EVC: variants seen among roughly 807,000 people sequenced by gnomAD.
EVC encodes the protein EvC ciliary complex subunit 1.
A neutral mutation model predicts 118.9 loss-of-function variants in EVC; 116 were observed. The observed-to-expected ratio is 0.98, with a 90% CI of 0.84 to 1.14. EVC has a LOEUF of 1.14. Among genes scored for constraint, EVC ranks in the 50% most tolerant of loss-of-function variants. The pLI, the probability that EVC is intolerant of heterozygous loss-of-function variation, is 0.00. For synonymous variants in EVC, 619 were observed against 534.7 expected, an observed-to-expected ratio of 1.16 and a Z score of -2.18; for missense variants, 1,401 against 1,246.4, an observed-to-expected ratio of 1.12 and a Z score of -1.87.
chr4:5,809,580 C>T lies in EVC; in HGVS notation c.2751C>T (p.Ser917=). ...AALARVPLAE[S]KLLPAKRGLL... is the part of the protein sequence containing the mutation. ...TGGCCCGAGTGCCCCTTGCTGAAAG[C>T]AAACTGTTGCCTGCTAAGCGTGGGC... Residue 917 remains serine (S), a synonymous_variant, in exon 19 of 21, where the codon AGC becomes AGT. Coordinates refer to ENST00000264956, the MANE Select transcript of EVC (RefSeq NM_153717.3). 6.2e-7 allele frequency: 1 copy of T among 1,614,206 alleles called. No homozygotes were observed. Among genetic ancestry groups the T allele is most frequent in the African/African-American group, 1.3e-5 (1 of 75,058 alleles).
At chr4:5,826,058 A>G in the EVC span, 3 of 278,884 alleles carry the variant, frequency 1.1e-5, no homozygotes, top group South Asian at 7.4e-5. Flanking sequence ...ATACTCACAT[A>G]TGTATACACA....
At chr4:5,764,010 C>T (rs1173875580) in intron 11 of EVC, among the ~76,000 whole-genome samples, 3 of 147,896 alleles carry the variant, frequency 2.0e-5, no homozygotes, top group African/African-American at 7.6e-5. Flanking sequence ...CCAGTTTTTG[C>T]CCATTCAGTG....
chr4:5,775,497 A>G lies in EVC; in HGVS notation c.1564-8055A>G, dbSNP rs1020355977. On this transcript the variant is annotated intron_variant, in intron 11 of 20. Coordinates refer to ENST00000264956, the MANE Select transcript of EVC (RefSeq NM_153717.3). Reference sequence around the variant, plus strand: ...GAGCACATCCTGGACATTGTTGTGCAGCTTTGGCAGTTTTTGAACTTTATA... The same window carrying G: ...GAGCACATCCTGGACATTGTTGTGCGGCTTTGGCAGTTTTTGAACTTTATA... 2.0e-5 allele frequency among the ~76,000 whole-genome samples: 3 copies of G among 152,140 alleles called. 1 individual carries two copies. The highest frequency in any genetic ancestry group is 7.2e-5 in the African/African-American group (3 of 41,408).
At chr4:5,828,412 G>A in the EVC span, 18 of 1,549,866 alleles carry the variant, frequency 1.2e-5, no homozygotes, top group South Asian at 7.5e-5. Context: ...CTCTGCACAC[G>A]TCAGATCTCG....
rs764505769 is a variant in EVC, at chr4:5,798,613, C to T, written c.2125C>T (p.Arg709Trp). The T allele has an allele frequency of 1.3e-5, 20 of 1,578,512 alleles. No homozygotes were observed. Among genetic ancestry groups the T allele is most frequent in the African/African-American group, 6.7e-5 (5 of 74,220 alleles). ...GGCGCGTGTGCTGGAGGAGGCCAGC[C>T]GGCTAGAGGAGGAAGCACAGCAGAC... ...LEARVLEEAS[R>W]LEEEAQQTRL... The change falls in exon 15 of 21, where the codon CGG becomes TGG. Residue 709 changes from arginine (R) to tryptophan (W), a missense_variant. Transcript: ENST00000264956. This position sits in a 1 kb window ranked among gnomAD's most constrained non-coding sequence, Gnocchi z 4.1.
At chr4:5,767,460 T>C (rs1383671467) in intron 11 of EVC, among the ~76,000 whole-genome samples, 2 of 150,992 alleles carry the variant, frequency 1.3e-5, no homozygotes, top group African/African-American at 2.4e-5. Context: ...TTTGTTTACC[T>C]AAGGAAGCCT....
intron 2 of EVC, among the ~76,000 whole-genome samples, chr4:5,726,273 A>G (rs933259375): frequency 5.3e-5 from 8 of 152,230 alleles, no homozygotes; most frequent in African/African-American, 1.7e-4. Context: ...TGCCCAGTAG[A>G]GATTTCTCAT....
At chr4:5,724,005 C>A (rs926402189) in intron 2 of EVC, among the ~76,000 whole-genome samples, 7 of 152,112 alleles carry the variant, frequency 4.6e-5, no homozygotes, top group Admixed American at 2.6e-4. Flanking sequence ...AGAGGCACAT[C>A]GATGGAAATT....
chr4:5,788,794 C>A (rs1712203841), intron 12 of EVC, among the ~76,000 whole-genome samples: 1 of 152,224 alleles, frequency 6.6e-6, no homozygotes, highest in African/African-American at 2.4e-5. Context: ...CAACCCCCAC[C>A]CAGAGTGATA....
chr4:5,825,532 G>A, the EVC span: 5 of 1,587,158 alleles, frequency 3.2e-6, no homozygotes, highest in African/African-American at 4.1e-5. This position sits in a 1 kb window ranked among gnomAD's most constrained non-coding sequence, Gnocchi z 4.4. Flanking sequence ...GTTTCTGATG[G>A]GTGGGGGCTG....
At chr4:5,797,366 G>C (rs755243961) in intron 14 of EVC, 134 bp downstream of exon 14, 4 of 765,752 alleles carry the variant, frequency 5.2e-6, no homozygotes, top group Non-Finnish European at 8.9e-6. Flanking sequence ...CATTCGCCGG[G>C]GCTGCCATAG....
intron 11 of EVC, among the ~76,000 whole-genome samples, chr4:5,774,674 G>C (rs145748542): frequency 3.1e-4 from 47 of 152,240 alleles, no homozygotes; most frequent in African/African-American, 1.1e-3. Context: ...AAAGTGAGCA[G>C]TTTGTATTTG....
At chr4:5,778,422 C>G (rs1482582442) in intron 11 of EVC, among the ~76,000 whole-genome samples, 8 of 151,342 alleles carry the variant, frequency 5.3e-5, no homozygotes, top group Admixed American at 2.0e-4. Context: ...ACACTGACTT[C>G]CACAATGGTT....
In EVC at chr4:5,756,689, G is replaced by C; in HGVS notation, c.1563+327G>C. ...GGCCCAGGGTTTCTGGGTGTCATCA[G>C]TGTAAAGTGGTGATGAAGAAGGGGT... On this transcript the variant is annotated intron_variant, in intron 11 of 20. Coordinates refer to ENST00000264956, the MANE Select transcript of EVC (RefSeq NM_153717.3). The surrounding 1 kb of genome is among the most constrained non-coding windows in gnomAD (Gnocchi z 4.2). 6.6e-6 allele frequency among the ~76,000 whole-genome samples: 1 copy of C among 152,344 alleles called. No homozygotes were observed. Among genetic ancestry groups the C allele is most frequent in the East Asian group, 1.9e-4 (1 of 5,178 alleles).
chr4:5,771,705 C>G (rs1733990090), intron 11 of EVC, among the ~76,000 whole-genome samples: 1 of 152,174 alleles, frequency 6.6e-6, no homozygotes, highest in Non-Finnish European at 1.5e-5. Flanking sequence ...GCACCACAGA[C>G]CTCCCCGTCG....
At position 5,786,871 on chromosome 4, in the gene EVC, C is replaced by CAA. The variant is rs375303542; in HGVS notation, c.1776+3125_1776+3126dup. Reference sequence around the variant, plus strand: ...TGGGTGACAGAGCGAGACTCCGTCTCAAAAAAAAAAAAAAAAAAATTAACA... The same window carrying CAA: ...TGGGTGACAGAGCGAGACTCCGTCTCAAAAAAAAAAAAAAAAAAAAATTAACA... On this transcript the variant is annotated intron_variant, in intron 12 of 20. Transcript: ENST00000264956. Among the ~76,000 whole-genome samples the CAA allele has an allele frequency of 2.8e-3, 263 of 94,888 alleles. 4 individuals carry two copies. Among genetic ancestry groups the CAA allele is most frequent in the Middle Eastern group, 0.012 (2 of 164 alleles). The allele number at this position is 94,888 out of a possible 152,430, so 62.3% of individuals were successfully genotyped here.
intron 13 of EVC, among the ~76,000 whole-genome samples, chr4:5,794,085 T>C (rs932638205): frequency 6.6e-6 from 1 of 151,776 alleles, no homozygotes; most frequent in Non-Finnish European, 1.5e-5. Flanking sequence ...TGTAAAAGAT[T>C]TCTTGTGCCC....
In EVC at chr4:5,762,267, T is replaced by C. The variant is rs551243891; in HGVS notation, c.1563+5905T>C. 8.8e-4 allele frequency among the ~76,000 whole-genome samples: 116 copies of C among 132,164 alleles called. 5 individuals are homozygous for C. The Middle Eastern group carries it at 0.018, about 20-fold the overall frequency. The allele number at this position is 132,164 out of a possible 152,430, so 86.7% of individuals were successfully genotyped here. A position where few individuals can be genotyped will look rare whatever the true frequency, so the allele number is the denominator to read the frequency against. On this transcript the variant is annotated intron_variant, in intron 11 of 20. Transcript: ENST00000264956. ...TATGACTGCATAGTATTCCATGGTG[T>C]ATATGTGCCACATTTTCTTAATCCA...
intron 5 of EVC, among the ~76,000 whole-genome samples, chr4:5,739,468 G>A (rs13139670): frequency 0.12 from 18,786 of 152,150 alleles, 1,507 homozygotes; most frequent in Non-Finnish European, 0.18. Context: ...TGTAAAATGC[G>A]GAAGATGGTA....
Sources: allele counts gnomAD v4.1 joint callset (sites outside exome capture counted in the v4.1 genomes callset), GRCh38; gene constraint gnomAD v4.1.1; non-coding constraint Gnocchi (gnomAD v3.1); transcripts MANE v1.5; gene names NCBI Gene and HGNC (gene_info 2026-07-23, HGNC 2026-07-21).